BMPR1B: variants seen among roughly 807,000 people sequenced by gnomAD.
The protein encoded by BMPR1B is bone morphogenetic protein receptor type 1B.
BMPR1B carries 12 observed loss-of-function variants against 59.1 expected under a neutral mutation model. The ratio of observed to expected loss-of-function variants is 0.20; its 90% CI spans 0.13 to 0.33. The LOEUF (loss-of-function observed/expected upper bound fraction) is 0.33, where lower values mean the gene tolerates loss of function less well. Among genes scored for constraint, BMPR1B ranks in the 10% least tolerant of loss-of-function variants. The probability of loss-of-function intolerance (pLI) is 1.00; values close to 1 mark genes in which losing one functional copy is unlikely to be tolerated. For synonymous variants in BMPR1B, 237 were observed against 207.3 expected (o/e 1.14, Z -1.23); for missense variants, 550 against 610.9 (o/e 0.90, Z 1.05).
At chr4:95,144,478 C>CTT (rs33917101) in intron 10 of BMPR1B, among the ~76,000 whole-genome samples, 12 of 149,556 alleles carry the variant, frequency 8.0e-5, no homozygotes, top group South Asian at 2.1e-4. Flanking sequence ...CACACCAGGC[C>CTT]TTTTTTTTTT....
chr4:95,069,616 T>G (rs1728123117), intron 3 of BMPR1B, among the ~76,000 whole-genome samples: 1 of 152,188 alleles, frequency 6.6e-6, no homozygotes, highest in Non-Finnish European at 1.5e-5. Context: ...CCAAAGTGCT[T>G]AGTATAATTT....
intron 1 of BMPR1B, among the ~76,000 whole-genome samples, chr4:94,801,810 A>G (rs549097887): frequency 6.6e-6 from 1 of 152,268 alleles, no homozygotes; most frequent in African/African-American, 2.4e-5. Context: ...TCTTCCCTGG[A>G]TTTTGCTGAG....
chr4:95,131,525 G>A lies in BMPR1B; in HGVS notation c.1076+13G>A, dbSNP rs762770532. Reference sequence around the variant, plus strand: ...TTAAATTTATTAGGTTAGTATCAAAGTGAACAAATACATGTTTTATGACTC... The same window carrying A: ...TTAAATTTATTAGGTTAGTATCAAAATGAACAAATACATGTTTTATGACTC... On this transcript the variant is annotated intron_variant, in intron 10 of 12. Transcript: ENST00000515059. The A allele has an allele frequency of 1.2e-6, 2 of 1,613,526 alleles. No homozygotes were observed. Among genetic ancestry groups the A allele is most frequent in the Non-Finnish European group, 1.7e-6 (2 of 1,179,530 alleles).
intron 3 of BMPR1B, among the ~76,000 whole-genome samples, chr4:95,035,770 T>A (rs1725196396): frequency 6.6e-6 from 1 of 152,212 alleles, no homozygotes; most frequent in South Asian, 2.1e-4. Flanking sequence ...CAGACTCTTT[T>A]GTGGTTCCAT....
chr4:95,134,193 A>G (rs1437573663), intron 10 of BMPR1B, among the ~76,000 whole-genome samples: 2 of 152,232 alleles, frequency 1.3e-5, no homozygotes, highest in Admixed American at 6.5e-5. Flanking sequence ...CCCTACAAAG[A>G]ATATGAACTC....
chr4:94,784,317 G>GT (rs1049118883), intron 1 of BMPR1B, among the ~76,000 whole-genome samples: 5 of 151,972 alleles, frequency 3.3e-5, no homozygotes, highest in African/African-American at 7.2e-5. Flanking sequence ...TAATTTTTCT[G>GT]TTTTTTGGAT....
chr4:94,778,901 A>AT lies in BMPR1B; in HGVS notation c.-183+20842dup, dbSNP rs75029018. ...GTTCTTTTCTTAGTGACTTTTAGGG[A>AT]TTTTTTTTTGTTTATTATGAATGCT... is the stretch of plus-strand genomic sequence containing the variant. On this transcript the variant is annotated intron_variant, in intron 1 of 12. Transcript: ENST00000515059. 0.01 allele frequency among the ~76,000 whole-genome samples: 1,540 copies of AT among 151,024 alleles called. 75 individuals carry two copies. The East Asian group carries it at 0.17, about 16-fold the overall frequency.
chr4:94,873,600 G>C (rs1341790947), intron 1 of BMPR1B, among the ~76,000 whole-genome samples: 4 of 151,918 alleles, frequency 2.6e-5, no homozygotes, highest in Non-Finnish European at 5.9e-5. Context: ...AGTAGAGATG[G>C]GGTTTCACCA....
chr4:95,042,300 A>G (rs1033144304), intron 3 of BMPR1B, among the ~76,000 whole-genome samples: 1 of 152,222 alleles, frequency 6.6e-6, no homozygotes, highest in African/African-American at 2.4e-5. Flanking sequence ...TTGCTTATTG[A>G]TAATGTACAA....
At position 94,962,072 on chromosome 4, in the gene BMPR1B, T is replaced by TTCC. The variant is rs1730380757; in HGVS notation, c.-112-33967_-112-33966insCCT. On this transcript the variant is annotated intron_variant, in intron 2 of 12. Transcript: ENST00000515059. ...TTCTTTCTTTCTTTTCTTTCTTTTC[T>TTCC]TTCCTTCCTTCCTTCCTTCCTTCCT... Among the ~76,000 whole-genome samples, 11 of 117,960 alleles carry TTCC rather than the reference T, an allele frequency of 9.3e-5. No homozygotes were observed. In the East Asian group the frequency reaches 9.4e-4, roughly 10 times the overall value. 77.4% of individuals were successfully genotyped at this position (117,960 alleles called of 152,430 possible). A position where few individuals can be genotyped will look rare whatever the true frequency, so the allele number is the denominator to read the frequency against.
At chr4:95,110,318 A>G (rs1446795778) in intron 4 of BMPR1B, among the ~76,000 whole-genome samples, 2 of 152,006 alleles carry the variant, frequency 1.3e-5, no homozygotes, top group African/African-American at 2.4e-5. Context: ...GACAATTTCA[A>G]AAAATCTTGT....
intron 3 of BMPR1B, among the ~76,000 whole-genome samples, chr4:95,103,098 A>T (rs964879530): frequency 6.6e-6 from 1 of 152,118 alleles, no homozygotes; most frequent in Non-Finnish European, 1.5e-5. Context: ...TAATCTAATG[A>T]AATATTATAG....
intron 3 of BMPR1B, among the ~76,000 whole-genome samples, chr4:95,082,970 G>A (rs1454339127): frequency 5.5e-5 from 8 of 145,778 alleles, no homozygotes; most frequent in African/African-American, 1.0e-4. Flanking sequence ...CCCGGGAGGC[G>A]GAGCTTGCAG....
chr4:94,831,101 G>A (rs956825096), intron 1 of BMPR1B, among the ~76,000 whole-genome samples: 3 of 152,130 alleles, frequency 2.0e-5, no homozygotes, highest in Non-Finnish European at 4.4e-5. Context: ...CTCTATGTGT[G>A]TTATTGCCCC....
intron 1 of BMPR1B, among the ~76,000 whole-genome samples, chr4:94,828,475 G>A (rs964302433): frequency 6.6e-6 from 1 of 152,016 alleles, no homozygotes; most frequent in Non-Finnish European, 1.5e-5. Context: ...GTTAATTACC[G>A]CTCTTTGATT....
chr4:94,975,115 C>G (rs964093147), intron 2 of BMPR1B, among the ~76,000 whole-genome samples: 1 of 152,106 alleles, frequency 6.6e-6, no homozygotes, highest in African/African-American at 2.4e-5. Flanking sequence ...GCTCCAAGGT[C>G]TCCTCAGGAT....
intron 3 of BMPR1B, among the ~76,000 whole-genome samples, chr4:95,067,329 A>C (rs1452258636): frequency 6.6e-6 from 1 of 152,188 alleles, no homozygotes; most frequent in Non-Finnish European, 1.5e-5. Context: ...TTGCATTTTA[A>C]ATGTTTTCAT....
chr4:94,831,085 T>C (rs1240938218), intron 1 of BMPR1B, among the ~76,000 whole-genome samples: 2 of 152,146 alleles, frequency 1.3e-5, no homozygotes, highest in African/African-American at 4.8e-5. Context: ...CCATAGGAGA[T>C]GACAGCTCTA....
chr4:94,935,638 G>C (rs1729265042), intron 2 of BMPR1B, among the ~76,000 whole-genome samples: 1 of 152,188 alleles, frequency 6.6e-6, no homozygotes, highest in South Asian at 2.1e-4. Flanking sequence ...GAAATATTTA[G>C]GGCATGGCTT....
Sources: gnomAD v4.1 joint callset for allele counts (sites outside exome capture counted in the v4.1 genomes callset) on GRCh38, gnomAD v4.1.1 for gene constraint, MANE v1.5 for transcripts, NCBI Gene and HGNC (gene_info 2026-07-23, HGNC 2026-07-21) for gene names.